The following EPHA6 variants were observed in gnomAD, a reference collection of about 807,000 sequenced individuals.
The protein encoded by EPHA6 is ephrin type-A receptor 6.
EPHA6 carries 50 observed loss-of-function variants against 112.0 expected under a neutral mutation model. That is an observed-to-expected ratio of 0.45 (90% CI 0.36 to 0.56). The LOEUF (loss-of-function observed/expected upper bound fraction) is 0.56, where lower values mean the gene tolerates loss of function less well. EPHA6 is among the 20% of genes least tolerant of loss of function. The probability of loss-of-function intolerance (pLI) is 0.00; values close to 1 mark genes in which losing one functional copy is unlikely to be tolerated. For missense variants in EPHA6, 1,280 were observed against 1,417.4 expected, an observed-to-expected ratio of 0.90 and a Z score of 1.56; for synonymous variants, 529 against 490.7, an observed-to-expected ratio of 1.08 and a Z score of -1.03.
At chr3:96,915,656 C>G (rs1036029934) in intron 2 of EPHA6, among the ~76,000 whole-genome samples, 1 of 152,078 alleles carries the variant, frequency 6.6e-6, no homozygotes, top group African/African-American at 2.4e-5. Flanking sequence ...AAATATGCGT[C>G]ATTCTAATAC....
At chr3:97,665,923 AGTGT>A (rs960017257) in intron 14 of EPHA6, among the ~76,000 whole-genome samples, 2 of 151,990 alleles carry the variant, frequency 1.3e-5, no homozygotes, top group Non-Finnish European at 2.9e-5. Flanking sequence ...CAGGTGTGAG[AGTGT>A]GTGCCTGTAA....
chr3:97,059,995 C>T (rs1338173354), intron 3 of EPHA6, among the ~76,000 whole-genome samples: 1 of 151,924 alleles, frequency 6.6e-6, no homozygotes, highest in Non-Finnish European at 1.5e-5. Flanking sequence ...GTGGCATGTG[C>T]CTGTAGTCCC....
intron 5 of EPHA6, among the ~76,000 whole-genome samples, chr3:97,383,324 A>G (rs909678516): frequency 6.6e-6 from 1 of 152,236 alleles, no homozygotes; most frequent in African/African-American, 2.4e-5. Context: ...CATATACTGA[A>G]CATATCCGGA....
chr3:97,756,186 A>G lies in EPHA6; in HGVS notation c.*7485A>G, dbSNP rs1161795557. Reference sequence around the variant, plus strand: ...AAAGTCATGAGGAAGTTTTTCTTTGACTGTGCATGCTTTATTTATTACCAT... The same window carrying G: ...AAAGTCATGAGGAAGTTTTTCTTTGGCTGTGCATGCTTTATTTATTACCAT... On this transcript the variant is annotated 3_prime_UTR_variant, in exon 18 of 18. Transcript: ENST00000389672. 6.6e-6 allele frequency among the ~76,000 whole-genome samples: 1 copy of G among 151,880 alleles called. No homozygotes were observed. The highest frequency in any genetic ancestry group is 2.4e-5 in the African/African-American group (1 of 41,444).
At chr3:96,865,673 C>T (rs1319904628) in intron 1 of EPHA6, among the ~76,000 whole-genome samples, 1 of 141,324 alleles carries the variant, frequency 7.1e-6, no homozygotes, top group Non-Finnish European at 1.5e-5. Flanking sequence ...CAGAGCAAGA[C>T]CTGTCTCTTT....
At position 97,750,701 on chromosome 3, in the gene EPHA6, A is replaced by G. The variant is rs1277981437; in HGVS notation, c.*2000A>G. Among the ~76,000 whole-genome samples, 3 of 151,748 alleles carry G rather than the reference A, an allele frequency of 2.0e-5. No individual in the cohort carries two copies. The East Asian group carries it at 5.8e-4, about 29-fold the overall frequency. ...TTTGTTGATCGTCCCATTATACTAG[A>G]CCCTTCTACATATTTTCTTTTGCTG... On this transcript the variant is annotated 3_prime_UTR_variant, in exon 18 of 18. Coordinates refer to ENST00000389672, the MANE Select transcript of EPHA6 (RefSeq NM_001080448.3).
At chr3:97,448,851 T>C in intron 7 of EPHA6, 121 bp downstream of exon 7, 2 of 849,414 alleles carry the variant, frequency 2.4e-6, no homozygotes, top group Non-Finnish European at 3.8e-6. Flanking sequence ...ATTTTGTTCA[T>C]GTAAATACTC....
rs200903072 is a variant in EPHA6, at chr3:97,422,732, TC to T, written c.1731+17461del. Among the ~76,000 whole-genome samples the T allele has an allele frequency of 5.5e-3, 843 of 152,216 alleles. 11 individuals carry two copies. Among genetic ancestry groups the T allele is most frequent in the African/African-American group, 0.02 (812 of 41,542 alleles). ...TCAAAAAAGAAAACTCAGTCATATA[TC>T]CCTGATGAACATAGATGCAAAATTC... On this transcript the variant is annotated intron_variant, in intron 6 of 17. Coordinates refer to ENST00000389672, the MANE Select transcript of EPHA6 (RefSeq NM_001080448.3).
At chr3:97,610,760 C>A in intron 12 of EPHA6, 33 bp from the exon 13 acceptor site, 1 of 1,572,104 alleles carries the variant, frequency 6.4e-7, no homozygotes, top group Non-Finnish European at 8.7e-7. Flanking sequence ...TGTAATTGCT[C>A]TAATCCATGT....
chr3:96,978,885 A>G (rs538981023), intron 2 of EPHA6, among the ~76,000 whole-genome samples: 8 of 152,310 alleles, frequency 5.3e-5, no homozygotes, highest in East Asian at 1.9e-4. Flanking sequence ...AACTGAATGT[A>G]TTTGTAAATA....
intron 10 of EPHA6, among the ~76,000 whole-genome samples, chr3:97,494,268 C>T (rs2091922555): frequency 6.6e-6 from 1 of 152,092 alleles, no homozygotes; most frequent in Middle Eastern, 3.2e-3. Context: ...GGTTTCTTCC[C>T]CAAAAGTTAT....
At chr3:97,143,694 G>A (rs1288156686) in intron 3 of EPHA6, among the ~76,000 whole-genome samples, 2 of 151,684 alleles carry the variant, frequency 1.3e-5, no homozygotes, top group Non-Finnish European at 3.0e-5. Context: ...TTATTCCCCA[G>A]GGTCAATGGC....
intron 3 of EPHA6, among the ~76,000 whole-genome samples, chr3:96,992,174 C>G (rs931525309): frequency 3.9e-5 from 6 of 152,128 alleles, no homozygotes; most frequent in African/African-American, 7.2e-5. Context: ...TTTCTCTCTT[C>G]CAAGCTATCA....
intron 15 of EPHA6, among the ~76,000 whole-genome samples, chr3:97,727,217 T>A (rs1559631130): frequency 6.6e-6 from 1 of 152,114 alleles, no homozygotes; most frequent in East Asian, 1.9e-4. Context: ...TCCTTGCTTT[T>A]CAAATGCTTT....
intron 10 of EPHA6, among the ~76,000 whole-genome samples, chr3:97,515,697 G>A (rs2092436655): frequency 6.6e-6 from 1 of 152,092 alleles, no homozygotes; most frequent in Non-Finnish European, 1.5e-5. Flanking sequence ...TTGAAACTAT[G>A]AATAACAGTA....
intron 14 of EPHA6, among the ~76,000 whole-genome samples, chr3:97,642,998 C>T (rs1425383521): frequency 1.3e-5 from 2 of 151,280 alleles, no homozygotes; most frequent in South Asian, 2.1e-4. Context: ...GTCAGATTCA[C>T]CAAAGTTGAA....
chr3:97,128,872 C>CT (rs377407255), intron 3 of EPHA6, among the ~76,000 whole-genome samples: 2,300 of 117,502 alleles, frequency 0.02, 78 homozygotes, highest in African/African-American at 0.042. Context: ...ATTTTTATGT[C>CT]TTTTTTTTTT....
At chr3:97,512,656 C>T (rs541115927) in intron 10 of EPHA6, among the ~76,000 whole-genome samples, 8 of 152,172 alleles carry the variant, frequency 5.3e-5, no homozygotes, top group Non-Finnish European at 1.0e-4. Context: ...CCTGTGCCTC[C>T]GGGTTCAAGC....
chr3:97,415,252 T>C (rs1199706039), intron 6 of EPHA6, among the ~76,000 whole-genome samples: 1 of 152,092 alleles, frequency 6.6e-6, no homozygotes, highest in Admixed American at 6.6e-5. Flanking sequence ...TTATCACCTC[T>C]TTTGTTTTTA....
Sources: allele counts gnomAD v4.1 joint callset (sites outside exome capture counted in the v4.1 genomes callset), GRCh38; gene constraint gnomAD v4.1.1; transcripts MANE v1.5; gene names NCBI Gene and HGNC (gene_info 2026-07-23, HGNC 2026-07-21).